The following CDH12 variants were observed in gnomAD, a reference collection of about 807,000 sequenced individuals.
The protein encoded by CDH12 is cadherin-12.
In CDH12, 41 loss-of-function variants were observed where a neutral mutation model predicts 74.1. That is an observed-to-expected ratio of 0.55 (90% CI 0.43 to 0.72). The LOEUF is 0.72. Among genes scored for constraint, CDH12 ranks in the 30% least tolerant of loss-of-function variants. The pLI, the probability that CDH12 is intolerant of heterozygous loss-of-function variation, is 0.00. For missense variants in CDH12, 945 were observed against 977.2 expected (o/e 0.97, Z 0.44); for synonymous variants, 399 against 355.0 (o/e 1.12, Z -1.39).
intron 4 of CDH12, among the ~76,000 whole-genome samples, chr5:22,162,002 C>T (rs10941936): frequency 0.91 from 136,015 of 149,550 alleles, 61,910 homozygotes; most frequent in East Asian, 0.97. Context: ...TAATGACTTC[C>T]TATCAGTTTA....
At chr5:22,544,729 A>G (rs1738243188) in intron 1 of CDH12, among the ~76,000 whole-genome samples, 1 of 152,040 alleles carries the variant, frequency 6.6e-6, no homozygotes, top group Non-Finnish European at 1.5e-5. Flanking sequence ...AAGAACAAGC[A>G]CTACTTGAGC....
chr5:22,512,499 A>C (rs2126673523), intron 1 of CDH12, among the ~76,000 whole-genome samples: 2 of 152,314 alleles, frequency 1.3e-5, no homozygotes, highest in Middle Eastern at 6.8e-3. Flanking sequence ...TGGGGTAAGT[A>C]CAGTCTGCAA....
At chr5:22,240,599 T>A (rs901346824) in intron 3 of CDH12, among the ~76,000 whole-genome samples, 10 of 152,168 alleles carry the variant, frequency 6.6e-5, no homozygotes, top group Non-Finnish European at 1.3e-4. Context: ...AATGGTGCGA[T>A]CTCGGCTCAC....
At position 22,605,722 on chromosome 5, in the gene CDH12, C is replaced by T. The variant is rs926940553; in HGVS notation, c.-522-100358G>A. Among the ~76,000 whole-genome samples, 6 of 152,358 alleles carry T rather than the reference C, an allele frequency of 3.9e-5. No homozygotes were observed. The East Asian group carries it at 7.7e-4, about 20-fold the overall frequency. ...CCTGTGTAGGGGAAAGTCAGGCCAT[C>T]GCTCCACCAGCCCATAGGCTGCTAG... On this transcript the variant is annotated intron_variant, in intron 1 of 14. Transcript: ENST00000382254.
At chr5:21,971,686 A>G (rs1756860760) in intron 6 of CDH12, among the ~76,000 whole-genome samples, 1 of 152,184 alleles carries the variant, frequency 6.6e-6, no homozygotes, top group Non-Finnish European at 1.5e-5. Context: ...ATCATCAGAT[A>G]TTAAAGAGGG....
At chr5:21,888,013 A>C (rs905841347) in intron 6 of CDH12, among the ~76,000 whole-genome samples, 1 of 152,086 alleles carries the variant, frequency 6.6e-6, no homozygotes, top group African/African-American at 2.4e-5. Context: ...AAAAAGTCTG[A>C]GTATAAGACA....
intron 4 of CDH12, among the ~76,000 whole-genome samples, chr5:22,119,789 G>A (rs1275430965): frequency 6.6e-6 from 1 of 152,074 alleles, no homozygotes; most frequent in Non-Finnish European, 1.5e-5. Flanking sequence ...ATGAAAATGT[G>A]ACATATATCT....
chr5:21,936,303 CT>C (rs955740288), intron 6 of CDH12, among the ~76,000 whole-genome samples: 1 of 152,188 alleles, frequency 6.6e-6, no homozygotes, highest in Non-Finnish European at 1.5e-5. Flanking sequence ...GGCCTCTTAA[CT>C]TTTTCCCCAC....
intron 2 of CDH12, among the ~76,000 whole-genome samples, chr5:22,409,250 T>C (rs1439707225): frequency 6.6e-6 from 1 of 152,054 alleles, no homozygotes; most frequent in Non-Finnish European, 1.5e-5. Flanking sequence ...CTTCTCCTTC[T>C]AGAGAAACTG....
intron 6 of CDH12, among the ~76,000 whole-genome samples, chr5:21,955,483 A>G (rs1354498516): frequency 6.6e-6 from 1 of 152,094 alleles, no homozygotes; most frequent in Non-Finnish European, 1.5e-5. Context: ...ACACCTTTTA[A>G]AAAGCATTGA....
intron 1 of CDH12, among the ~76,000 whole-genome samples, chr5:22,506,451 C>A (rs1406200501): frequency 1.3e-5 from 2 of 152,096 alleles, no homozygotes; most frequent in African/African-American, 4.8e-5. Flanking sequence ...ACTTCGTGAG[C>A]TCTTTCAATT....
intron 6 of CDH12, among the ~76,000 whole-genome samples, chr5:21,896,088 C>T (rs7442801): frequency 0.76 from 115,787 of 152,032 alleles, 45,638 homozygotes; most frequent in Non-Finnish European, 0.86. Context: ...CTCTACATAG[C>T]GTAAGGTTTG....
chr5:21,856,595 T>G (rs556206356), intron 6 of CDH12, among the ~76,000 whole-genome samples: 80 of 151,906 alleles, frequency 5.3e-4, no homozygotes, highest in Middle Eastern at 3.4e-3. Flanking sequence ...GAACACGTAT[T>G]GTCTTTACTT....
At chr5:21,976,805 A>G (rs557523892) in intron 5 of CDH12, among the ~76,000 whole-genome samples, 1 of 152,136 alleles carries the variant, frequency 6.6e-6, no homozygotes, top group African/African-American at 2.4e-5. Flanking sequence ...CTTAAGAATG[A>G]GTTCTGTTTT....
chr5:21,897,436 A>T (rs1235991391), intron 6 of CDH12, among the ~76,000 whole-genome samples: 2 of 152,196 alleles, frequency 1.3e-5, no homozygotes, highest in African/African-American at 2.4e-5. Flanking sequence ...AAAGCCTCAA[A>T]TGTCTGTTAC....
intron 1 of CDH12, among the ~76,000 whole-genome samples, chr5:22,775,802 C>A (rs1301884900): frequency 6.6e-6 from 1 of 152,104 alleles, no homozygotes; most frequent in African/African-American, 2.4e-5. Context: ...CCCCGCCCAG[C>A]TCTCAATTGA....
At chr5:22,111,341 T>C (rs1286039837) in intron 4 of CDH12, among the ~76,000 whole-genome samples, 1 of 152,168 alleles carries the variant, frequency 6.6e-6, no homozygotes, top group Non-Finnish European at 1.5e-5. Flanking sequence ...GTACAATAAA[T>C]TAAACATAAA....
chr5:22,829,250 G>T (rs1736470949), intron 1 of CDH12, among the ~76,000 whole-genome samples: 1 of 152,102 alleles, frequency 6.6e-6, no homozygotes, highest in Admixed American at 6.6e-5. Context: ...GGACAACTTA[G>T]TTAACTATCT....
chr5:22,785,192 T>C (rs769504765), intron 1 of CDH12, among the ~76,000 whole-genome samples: 4 of 152,128 alleles, frequency 2.6e-5, no homozygotes, highest in Non-Finnish European at 5.9e-5. Flanking sequence ...CAAGTAACCT[T>C]TTTTCTTGCT....
Sources: allele counts gnomAD v4.1 joint callset (sites outside exome capture counted in the v4.1 genomes callset), GRCh38; gene constraint gnomAD v4.1.1; transcripts MANE v1.5; gene names NCBI Gene and HGNC (gene_info 2026-07-23, HGNC 2026-07-21).